TSKS: variants seen among roughly 807,000 people sequenced by gnomAD.
The protein encoded by TSKS is testis specific serine kinase substrate.
A neutral mutation model predicts 68.0 loss-of-function variants in TSKS; 27 were observed. The ratio of observed to expected loss-of-function variants is 0.40; its 90% CI spans 0.29 to 0.55. TSKS has a LOEUF of 0.55. Among genes scored for constraint, TSKS ranks in the 20% least tolerant of loss-of-function variants. The probability of loss-of-function intolerance (pLI) is 0.53; values close to 1 mark genes in which losing one functional copy is unlikely to be tolerated. For synonymous variants in TSKS, 331 were observed against 340.4 expected (o/e 0.97, Z 0.30); for missense variants, 806 against 776.0 (o/e 1.04, Z -0.46).
At chr19:49,746,423 T>A (rs754833818) in intron 6 of TSKS, 47 bp downstream of exon 6, 1 of 1,603,470 alleles carries the variant, frequency 6.2e-7, no homozygotes, top group Non-Finnish European at 8.5e-7. Context: ...CACCCCTGAG[T>A]CCCCGCCGAT....
chr19:49,745,741 C>T (rs1233538183), intron 6 of TSKS, among the ~76,000 whole-genome samples: 1 of 152,132 alleles, frequency 6.6e-6, no homozygotes, highest in African/African-American at 2.4e-5. Context: ...CTCTCCTAAG[C>T]CCCGCCCACC....
intron 2 of TSKS, among the ~76,000 whole-genome samples, chr19:49,759,671 AAG>A (rs1054474105): frequency 4.0e-5 from 6 of 148,684 alleles, no homozygotes; most frequent in African/African-American, 1.2e-4. Context: ...AACCGAAAGA[AAG>A]AAAAAAATTT....
chr19:49,739,801 T>C lies in TSKS; in HGVS notation c.1754A>G (p.Gln585Arg). The change falls in exon 11 of 11, where the codon CAG becomes CGG. Residue 585 changes from glutamine (Q) to arginine (R), a missense_variant. Coordinates refer to ENST00000246801, the MANE Select transcript of TSKS (RefSeq NM_021733.2). ...GGSSAGTPPKQGGSAPEQ is the reference protein window; with the variant it reads ...GGSSAGTPPKRGGSAPEQ Reference sequence around the variant, plus strand: ...TTATTGTTCAGGGGCTGAGCCCCCCTGTTTTGGGGGGGTTCCTGCACTGCT... The same window carrying C: ...TTATTGTTCAGGGGCTGAGCCCCCCCGTTTTGGGGGGGTTCCTGCACTGCT... 1 of 1,535,922 alleles carries C rather than the reference T, an allele frequency of 6.5e-7. No homozygotes were observed. Among genetic ancestry groups the C allele is most frequent in the Non-Finnish European group, 9.0e-7 (1 of 1,111,706 alleles).
intron 2 of TSKS, among the ~76,000 whole-genome samples, chr19:49,754,119 C>G (rs1463693264): frequency 1.3e-5 from 2 of 151,260 alleles, no homozygotes; most frequent in African/African-American, 4.8e-5. Flanking sequence ...CTCCTGACCT[C>G]AGGTGATCTG....
chr19:49,748,212 A>G, intron 3 of TSKS, 44 bp from the exon 4 acceptor site: 3 of 1,604,646 alleles, frequency 1.9e-6, no homozygotes, highest in Non-Finnish European at 2.6e-6. Flanking sequence ...ACACGAGGGG[A>G]CAGCCTGTGG....
chr19:49,745,311 C>A lies in TSKS; in HGVS notation c.1078G>T (p.Gly360Cys). Residue 360 changes from glycine (G) to cysteine (C), a missense_variant, in exon 7 of 11, where the codon GGC (glycine) becomes TGC (cysteine). Transcript: ENST00000246801. ...EALRLLGGLG[G>C]RVDGFLGQWE... ...TGGCCTAGGAAGCCGTCGACCCTGC[C>A]GCCCAGGCCCCCGAGCAGCCGCAGG... 6.2e-7 allele frequency: 1 copy of A among 1,604,328 alleles called. No individual in the cohort carries two copies. Among genetic ancestry groups the A allele is most frequent in the Non-Finnish European group, 8.5e-7 (1 of 1,179,246 alleles).
At position 49,744,265 on chromosome 19, in the gene TSKS, G is replaced by C; in HGVS notation, c.1327C>G (p.Arg443Gly). The C allele has an allele frequency of 1.2e-6, 2 of 1,613,968 alleles. No homozygotes were observed. The highest frequency in any genetic ancestry group is 2.2e-5 in the East Asian group (1 of 44,880). Residue 443 changes from arginine (R) to glycine (G), a missense_variant, in exon 8 of 11, where the codon CGG becomes GGG. Physicochemically the swap from Arg to Gly is moderately radical, Grantham distance 125. Coordinates refer to ENST00000246801, the MANE Select transcript of TSKS (RefSeq NM_021733.2). ...CGGGCACAGTTGCCTTGGTGGGACC[G>C]ATCCAGGTTCATGGAGAGGTCAGGC... The part of the protein sequence containing the change: ...RGPDLSMNLD[R>G]SHQGNCARCA...
rs748229087 is a variant in TSKS at position 49,745,182 on chromosome 19, G to A, written c.1187+20C>T. 2 of 1,558,546 alleles carry A rather than the reference G, an allele frequency of 1.3e-6. No homozygotes were observed. The highest frequency in any genetic ancestry group is 2.3e-5 in the East Asian group (1 of 43,304). ...GCCCTGCCCCTTCCGGTCTTCCCAT[G>A]CACTGGCCCCAATCCTCACATGGTG... On this transcript the variant is annotated intron_variant, in intron 7 of 10. Coordinates refer to ENST00000246801, the MANE Select transcript of TSKS (RefSeq NM_021733.2).
chr19:49,758,629 C>A (rs1184429760), intron 2 of TSKS, among the ~76,000 whole-genome samples: 1 of 152,154 alleles, frequency 6.6e-6, no homozygotes, highest in Non-Finnish European at 1.5e-5. Flanking sequence ...TTGCCCTGTT[C>A]TCTGCAGCTC....
chr19:49,752,154 T>A (rs908642400), intron 2 of TSKS, among the ~76,000 whole-genome samples: 1 of 152,056 alleles, frequency 6.6e-6, no homozygotes, highest in Non-Finnish European at 1.5e-5. Context: ...GAGGCCAAGG[T>A]GGGCAGATCA....
chr19:49,749,042 G>A (rs1214952760), intron 2 of TSKS, among the ~76,000 whole-genome samples: 3 of 151,932 alleles, frequency 2.0e-5, no homozygotes, highest in East Asian at 1.9e-4. Flanking sequence ...CAATCTGGGC[G>A]ACAGAGCGAG....
intron 6 of TSKS, among the ~76,000 whole-genome samples, 196 bp from the exon 7 acceptor site, chr19:49,745,592 C>T (rs2084291824): frequency 6.6e-6 from 1 of 152,092 alleles, no homozygotes. Flanking sequence ...CAGAGCCCCG[C>T]CTTTATCCCC....
chr19:49,762,694 TG>T (rs2084453625), intron 1 of TSKS, among the ~76,000 whole-genome samples: 1 of 151,926 alleles, frequency 6.6e-6, no homozygotes, highest in African/African-American at 2.4e-5. Context: ...CCCAAAGTGC[TG>T]GGATTACAGG....
Position 49,762,972 on chromosome 19 carries a change from T to C in TSKS, c.170+106A>G. 6 of 1,434,250 alleles carry C rather than the reference T, an allele frequency of 4.2e-6. No homozygotes were observed. In the South Asian group the frequency reaches 8.4e-5, roughly 20 times the overall value. 88.8% of individuals were successfully genotyped at this position (1,434,250 alleles called of 1,614,324 possible). ...GCCCTCTTTCCTGCCCCCGACCTGCTGGCTTTTCCCCCTCCCCTTCCTCTA... is the reference window on the plus strand; with the variant it reads ...GCCCTCTTTCCTGCCCCCGACCTGCCGGCTTTTCCCCCTCCCCTTCCTCTA... On this transcript the variant is annotated intron_variant, in intron 1 of 10. Transcript: ENST00000246801.
At chr19:49,762,956 C>A in intron 1 of TSKS, 122 bp downstream of exon 1, 2 of 1,314,244 alleles carry the variant, frequency 1.5e-6, no homozygotes, top group Non-Finnish European at 2.1e-6. Flanking sequence ...TGCCCTCTTT[C>A]CTGCCCCCGA....
intron 9 of TSKS, among the ~76,000 whole-genome samples, chr19:49,740,560 TCTC>T (rs1269486667): frequency 6.6e-6 from 1 of 152,036 alleles, no homozygotes; most frequent in African/African-American, 2.4e-5. Context: ...AGACCCCACA[TCTC>T]CTTATCCATT....
At chr19:49,748,536 T>G in intron 2 of TSKS, 67 bp from the exon 3 acceptor site, 1 of 1,477,120 alleles carries the variant, frequency 6.8e-7, no homozygotes, top group Non-Finnish European at 9.4e-7. Flanking sequence ...CCAGGAAGAA[T>G]TCCAGAACTG....
intron 3 of TSKS, 48 bp from the exon 4 acceptor site, chr19:49,748,216 C>T (rs1222594398): frequency 3.1e-5 from 50 of 1,603,080 alleles, no homozygotes; most frequent in Non-Finnish European, 4.2e-5. Flanking sequence ...GAGGGGACAG[C>T]CTGTGGAAAA....
In TSKS at chr19:49,745,402, G is replaced by A; in HGVS notation, c.993-6C>T. 6.5e-7 allele frequency: 1 copy of A among 1,537,362 alleles called. No homozygotes were observed. The highest frequency in any genetic ancestry group is 8.7e-7 in the Non-Finnish European group (1 of 1,143,204). On this transcript the variant is annotated splice_region_variant and splice_polypyrimidine_tract_variant and intron_variant, in intron 6 of 10. Coordinates refer to ENST00000246801, the MANE Select transcript of TSKS (RefSeq NM_021733.2). ...TCAGTGAGGACACCTCTCTCCTGGA[G>A]GGGCAGAGGAGGGGAATGGGTAGGG...
Sources: gnomAD v4.1 joint callset for allele counts (sites outside exome capture counted in the v4.1 genomes callset) on GRCh38, gnomAD v4.1.1 for gene constraint, MANE v1.5 for transcripts, NCBI Gene and HGNC (gene_info 2026-07-23, HGNC 2026-07-21) for gene names.